Variants in DSCAML1 observed in about 807,000 individuals in gnomAD.
DSCAML1 encodes cell adhesion molecule DSCAML1.
DSCAML1 carries 38 observed loss-of-function variants against 200.5 expected under a neutral mutation model. That is an observed-to-expected ratio of 0.19 (90% CI 0.15 to 0.25). The LOEUF (loss-of-function observed/expected upper bound fraction) is 0.25, where lower values mean the gene tolerates loss of function less well. DSCAML1 is among the 10% of genes least tolerant of loss of function. The pLI is 1.00. For missense variants in DSCAML1, 2,223 were observed against 2,858.8 expected, an observed-to-expected ratio of 0.78 and a Z score of 5.07; for synonymous variants, 1,215 against 1,165.0, an observed-to-expected ratio of 1.04 and a Z score of -0.87.
Position 117,777,014 on chromosome 11 carries a change from T to C in DSCAML1, c.365-77A>G, listed in dbSNP as rs1411513502. 3 of 1,458,624 alleles carry C rather than the reference T, an allele frequency of 2.1e-6. No homozygotes were observed. In the East Asian group the frequency reaches 6.9e-5, roughly 34 times the overall value. The allele number at this position is 1,458,624 out of a possible 1,614,324, so 90.4% of individuals were successfully genotyped here. On this transcript the variant is annotated intron_variant, in intron 2 of 32. Coordinates refer to ENST00000651296, the MANE Select transcript of DSCAML1 (RefSeq NM_020693.4). ...AGGGTCCCCAGAAAGGAACAGGGAG[T>C]CAGCTCAACTCCCTCTGCTCCTTCA...
At chr11:117,714,636 G>A (rs1377637472) in intron 3 of DSCAML1, among the ~76,000 whole-genome samples, 1 of 151,930 alleles carries the variant, frequency 6.6e-6, no homozygotes, top group Non-Finnish European at 1.5e-5. Flanking sequence ...GGCCAACATG[G>A]TGAAACCCCA....
chr11:117,714,627 G>T (rs147716017), intron 3 of DSCAML1, among the ~76,000 whole-genome samples: 1 of 152,078 alleles, frequency 6.6e-6, no homozygotes, highest in East Asian at 1.9e-4. Flanking sequence ...GAGCAGCCTG[G>T]CCAACATGGT....
chr11:117,474,985 G>C (rs1177293144), intron 14 of DSCAML1, among the ~76,000 whole-genome samples: 1 of 152,092 alleles, frequency 6.6e-6, no homozygotes, highest in Non-Finnish European at 1.5e-5. Context: ...TCGATCTCCT[G>C]ACCTCGTGAT....
upstream of DSCAML1, among the ~76,000 whole-genome samples, chr11:117,798,799 T>A (rs556880686): frequency 8.5e-5 from 13 of 152,254 alleles, 1 homozygote; most frequent in South Asian, 2.5e-3. Flanking sequence ...CTTAACTTGT[T>A]CAAGGCCACC....
At chr11:117,474,757 C>CTT (rs1203423601) in intron 14 of DSCAML1, among the ~76,000 whole-genome samples, 10 of 141,370 alleles carry the variant, frequency 7.1e-5, no homozygotes, top group Admixed American at 1.4e-4. Flanking sequence ...TCCTTTTTTC[C>CTT]TTTTTTTTTT....
At chr11:117,695,760 T>G (rs547603105) in intron 3 of DSCAML1, among the ~76,000 whole-genome samples, 2 of 152,130 alleles carry the variant, frequency 1.3e-5, no homozygotes, top group African/African-American at 4.8e-5. Flanking sequence ...GAAAACCGGG[T>G]GCTTGCCATG....
chr11:117,468,562 AG>A (rs2048627904), intron 16 of DSCAML1, among the ~76,000 whole-genome samples: 1 of 152,162 alleles, frequency 6.6e-6, no homozygotes, highest in Admixed American at 6.5e-5. Context: ...GCCAGGACGC[AG>A]CCAAGAGTTT....
At chr11:117,531,539 A>G (rs2050076116) in intron 4 of DSCAML1, among the ~76,000 whole-genome samples, 1 of 152,130 alleles carries the variant, frequency 6.6e-6, no homozygotes. Context: ...CCTGCTTTCA[A>G]ATGTTGCGAG....
upstream of DSCAML1, among the ~76,000 whole-genome samples, chr11:117,800,378 A>C (rs904313534): frequency 1.3e-5 from 2 of 152,234 alleles, no homozygotes; most frequent in Non-Finnish European, 2.9e-5. Flanking sequence ...GACAGTTCCC[A>C]AAATTATATG....
At chr11:117,521,003 T>G in intron 6 of DSCAML1, 127 bp downstream of exon 6, 1 of 1,262,206 alleles carries the variant, frequency 7.9e-7, no homozygotes, top group Non-Finnish European at 1.1e-6. Context: ...GGTGAGATGG[T>G]GCACCGGCCT....
intron 19 of DSCAML1, among the ~76,000 whole-genome samples, chr11:117,451,553 G>A (rs573332830): frequency 2.6e-5 from 4 of 152,224 alleles, no homozygotes; most frequent in Non-Finnish European, 5.9e-5. Flanking sequence ...GGCAGGTGCG[G>A]TGGCTCATGC....
At chr11:117,737,466 C>A (rs2054338675) in intron 3 of DSCAML1, among the ~76,000 whole-genome samples, 1 of 152,204 alleles carries the variant, frequency 6.6e-6, no homozygotes, top group Non-Finnish European at 1.5e-5. Flanking sequence ...GCGACCAGTG[C>A]ACCCAAAGGG....
chr11:117,721,793 A>T (rs999062206), intron 3 of DSCAML1, among the ~76,000 whole-genome samples: 3 of 145,174 alleles, frequency 2.1e-5, no homozygotes, highest in African/African-American at 7.7e-5. Context: ...GATATATATG[A>T]TATGTACATA....
chr11:117,477,568 A>G (rs1848955473), intron 14 of DSCAML1, among the ~76,000 whole-genome samples: 1 of 152,176 alleles, frequency 6.6e-6, no homozygotes. Flanking sequence ...TCAGCCTGCA[A>G]GTCCCACAGG....
chr11:117,560,668 T>G (rs191855535), intron 3 of DSCAML1, among the ~76,000 whole-genome samples: 36 of 152,246 alleles, frequency 2.4e-4, no homozygotes, highest in African/African-American at 7.2e-4. Context: ...ATCTAGCTCC[T>G]GTGCAAGTTT....
At chr11:117,513,625 C>CAGCT (rs1383316257) in intron 8 of DSCAML1, among the ~76,000 whole-genome samples, 1 of 151,642 alleles carries the variant, frequency 6.6e-6, no homozygotes, top group East Asian at 1.9e-4. Context: ...CCTGTAGTCC[C>CAGCT]AGCTACTCAG....
Position 117,524,952 on chromosome 11 carries a change from G to C in DSCAML1, c.790C>G (p.Arg264Gly). The part of the protein sequence containing the change: ...IPAIRWLKDG[R>G]PLPADSRWTK... ...CAGCGGCTGTCAGCCGGGAGGGGCC[G>C]GCCATCCTTGAGCCAGCGGATGGCG... The change falls in exon 5 of 33, where the codon CGG (arginine) becomes GGG (glycine). Residue 264 changes from arginine to glycine, a missense_variant. Arg to Gly is a moderately radical substitution (Grantham distance 125). This residue lies in a region of DSCAML1 where 579 missense variants were observed against 721.5 expected (regional missense o/e 0.80). Transcript: ENST00000651296. The C allele has an allele frequency of 1.2e-6, 2 of 1,613,428 alleles. No homozygotes were observed. The highest frequency in any genetic ancestry group is 8.5e-7 in the Non-Finnish European group (1 of 1,179,828).
At chr11:117,765,271 C>A (rs2054875042) in intron 3 of DSCAML1, among the ~76,000 whole-genome samples, 1 of 152,212 alleles carries the variant, frequency 6.6e-6, no homozygotes, top group Non-Finnish European at 1.5e-5. Flanking sequence ...GCTACAGAGA[C>A]CCGTATTTAA....
intron 3 of DSCAML1, among the ~76,000 whole-genome samples, chr11:117,602,704 G>C (rs779161035): frequency 6.6e-6 from 1 of 152,148 alleles, no homozygotes; most frequent in Non-Finnish European, 1.5e-5. Flanking sequence ...AGCACAAGGT[G>C]AGGTATACAG....
Sources: gnomAD v4.1 joint callset for allele counts (sites outside exome capture counted in the v4.1 genomes callset) on GRCh38, gnomAD v4.1.1 for gene constraint, gnomAD v4.1.1 regional missense constraint, MANE v1.5 for transcripts, NCBI Gene and HGNC (gene_info 2026-07-23, HGNC 2026-07-21) for gene names.